The following HECW1 variants were observed in gnomAD, a reference collection of about 807,000 sequenced individuals.
The protein encoded by HECW1 is HECT, C2 and WW domain containing E3 ubiquitin protein ligase 1, also known as E3 ubiquitin-protein ligase HECW1.
In HECW1, 61 loss-of-function variants were observed where a neutral mutation model predicts 182.3. The observed-to-expected ratio is 0.33, with a 90% CI of 0.27 to 0.41. HECW1 has a LOEUF of 0.41. Ranked by LOEUF, HECW1 falls within the 10% of genes least tolerant of loss-of-function variation. HECW1 has a pLI of 1.00. For synonymous variants in HECW1, 859 were observed against 832.6 expected (o/e 1.03, Z -0.55); for missense variants, 1,739 against 2,108.9 (o/e 0.82, Z 3.44).
At chr7:43,447,511 T>G (rs2077095633) in intron 11 of HECW1, among the ~76,000 whole-genome samples, 1 of 152,130 alleles carries the variant, frequency 6.6e-6, no homozygotes, top group Admixed American at 6.5e-5. Flanking sequence ...ACCTACATGC[T>G]TCACTATGGC....
At chr7:43,165,405 G>C (rs1278602037) in intron 2 of HECW1, among the ~76,000 whole-genome samples, 14 of 143,450 alleles carry the variant, frequency 9.8e-5, no homozygotes, top group Non-Finnish European at 3.0e-5. Flanking sequence ...GGCGGGGGGG[G>C]GTGTTTGTGT....
At chr7:43,241,656 GT>G (rs1361516968) in intron 2 of HECW1, among the ~76,000 whole-genome samples, 1 of 136,560 alleles carries the variant, frequency 7.3e-6, no homozygotes, top group Non-Finnish European at 1.6e-5. Context: ...GTGTGTGTGT[GT>G]GTGTTTAATT....
chr7:43,546,589 T>C (rs2081572500), intron 26 of HECW1, among the ~76,000 whole-genome samples: 1 of 150,264 alleles, frequency 6.7e-6, no homozygotes, highest in Non-Finnish European at 1.5e-5. Flanking sequence ...CAAGGGGTTC[T>C]GGGTGGCCAA....
intron 5 of HECW1, among the ~76,000 whole-genome samples, chr7:43,342,794 G>A (rs2330788): frequency 0.032 from 4,928 of 151,846 alleles, 112 homozygotes; most frequent in Middle Eastern, 0.041. Context: ...GGGAGGCGCA[G>A]GCAGGCAGAT....
chr7:43,452,970 G>A (rs2077283065), intron 12 of HECW1, among the ~76,000 whole-genome samples: 1 of 152,226 alleles, frequency 6.6e-6, no homozygotes, highest in Non-Finnish European at 1.5e-5. Context: ...AACTGAGGAA[G>A]GGAGAAGGCA....
rs1460525906 is a variant in HECW1 at position 43,442,523 on chromosome 7, T to C, written c.945-6T>C. ...CAGAACTGTGATGGTGCTTATTTCC[T>C]TCTAGGGATAGGGTGGTCAGCTACA... is the stretch of plus-strand genomic sequence containing the variant. On this transcript the variant is annotated splice_polypyrimidine_tract_variant and splice_region_variant and intron_variant, in intron 9 of 29. Coordinates refer to ENST00000395891, the MANE Select transcript of HECW1 (RefSeq NM_015052.5). The C allele has an allele frequency of 1.2e-6, 2 of 1,604,358 alleles. No homozygotes were observed.
chr7:43,156,406 C>T (rs1789891609), intron 2 of HECW1, among the ~76,000 whole-genome samples: 2 of 152,176 alleles, frequency 1.3e-5, no homozygotes, highest in Admixed American at 1.3e-4. Flanking sequence ...TGGTATTTCT[C>T]TTATCTTAGT....
chr7:43,167,292 C>T (rs1017252118), intron 2 of HECW1, among the ~76,000 whole-genome samples: 1 of 152,136 alleles, frequency 6.6e-6, no homozygotes, highest in Non-Finnish European at 1.5e-5. Flanking sequence ...GGCCTCCTTC[C>T]CCTATGTCTC....
chr7:43,154,705 A>G (rs528215726), intron 2 of HECW1, among the ~76,000 whole-genome samples: 1 of 152,294 alleles, frequency 6.6e-6, no homozygotes, highest in East Asian at 1.9e-4. Flanking sequence ...GGAAGCAGGA[A>G]TGTCTTAAGC....
At chr7:43,407,828 C>A in intron 8 of HECW1, 97 bp downstream of exon 8, 1 of 1,070,156 alleles carries the variant, frequency 9.3e-7, no homozygotes, top group Non-Finnish European at 1.4e-6. Flanking sequence ...GAGCCCTGGA[C>A]TCTGCTGCTC....
intron 16 of HECW1, among the ~76,000 whole-genome samples, chr7:43,472,518 A>G (rs1380331353): frequency 6.6e-6 from 1 of 152,120 alleles, no homozygotes; most frequent in Non-Finnish European, 1.5e-5. Flanking sequence ...TGCACCAATG[A>G]CTTATAGAGT....
intron 19 of HECW1, among the ~76,000 whole-genome samples, chr7:43,500,436 C>T (rs1165941698): frequency 6.6e-6 from 1 of 152,124 alleles, no homozygotes; most frequent in Admixed American, 6.5e-5. Flanking sequence ...TACCCAGCTC[C>T]ACTCCTGACT....
At chr7:43,136,021 CTG>C (rs1787495300) in intron 2 of HECW1, among the ~76,000 whole-genome samples, 1 of 146,184 alleles carries the variant, frequency 6.8e-6, no homozygotes, top group African/African-American at 2.5e-5. Context: ...CCTTTTCAAA[CTG>C]TGATTTTCCC....
intron 13 of HECW1, among the ~76,000 whole-genome samples, chr7:43,462,621 T>C (rs768279882): frequency 6.6e-6 from 1 of 152,156 alleles, no homozygotes; most frequent in African/African-American, 2.4e-5. Context: ...TCTGCGTAGC[T>C]CAGGTTGGGG....
At chr7:43,304,958 A>G (rs1237279701) in intron 3 of HECW1, among the ~76,000 whole-genome samples, 3 of 152,224 alleles carry the variant, frequency 2.0e-5, no homozygotes, top group Admixed American at 6.5e-5. Context: ...TTTAGACAGA[A>G]CATCTCATTC....
intron 26 of HECW1, among the ~76,000 whole-genome samples, chr7:43,546,628 A>T (rs1200462706): frequency 9.2e-6 from 1 of 108,586 alleles, no homozygotes; most frequent in Non-Finnish European, 1.8e-5. Context: ...AAAAAAAAAA[A>T]ACAAACAAAC....
At chr7:43,435,751 A>G (rs2076689834) in intron 8 of HECW1, among the ~76,000 whole-genome samples, 1 of 152,338 alleles carries the variant, frequency 6.6e-6, no homozygotes, top group Middle Eastern at 3.4e-3. Flanking sequence ...GAAGCCCCTG[A>G]GACTTGGAAG....
intron 17 of HECW1, among the ~76,000 whole-genome samples, chr7:43,482,721 C>G (rs961782214): frequency 6.6e-6 from 1 of 152,060 alleles, no homozygotes; most frequent in Non-Finnish European, 1.5e-5. Flanking sequence ...GTCTGGGCAG[C>G]ATGGCAGGAC....
At chr7:43,134,242 A>G (rs2152624222) in intron 2 of HECW1, among the ~76,000 whole-genome samples, 1 of 151,860 alleles carries the variant, frequency 6.6e-6, no homozygotes, top group East Asian at 1.9e-4. Flanking sequence ...AAAAATGCAA[A>G]AAGTAGCCGG....
Sources: allele counts gnomAD v4.1 joint callset (sites outside exome capture counted in the v4.1 genomes callset), GRCh38; gene constraint gnomAD v4.1.1; transcripts MANE v1.5; gene names NCBI Gene and HGNC (gene_info 2026-07-23, HGNC 2026-07-21).